Variants in SLIT3 observed in about 807,000 individuals in gnomAD.
SLIT3 encodes the protein slit homolog 3 protein.
A neutral mutation model predicts 184.0 loss-of-function variants in SLIT3; 68 were observed. The ratio of observed to expected loss-of-function variants is 0.37; its 90% CI spans 0.30 to 0.45. SLIT3 has a LOEUF of 0.45. Ranked by LOEUF, SLIT3 falls within the 20% of genes least tolerant of loss-of-function variation. SLIT3 has a pLI of 1.00. For synonymous variants in SLIT3, 831 were observed against 828.6 expected (o/e 1.00, Z -0.05); for missense variants, 1,707 against 2,026.0 (o/e 0.84, Z 3.02).
chr5:169,118,226 C>T (rs1303986942), intron 4 of SLIT3, among the ~76,000 whole-genome samples: 2 of 152,130 alleles, frequency 1.3e-5, no homozygotes, highest in East Asian at 3.9e-4. Context: ...ATTTGCAATG[C>T]CTACATATAA....
intron 4 of SLIT3, among the ~76,000 whole-genome samples, chr5:169,169,620 C>T (rs1385140969): frequency 2.0e-5 from 3 of 152,178 alleles, no homozygotes; most frequent in African/African-American, 7.2e-5. Context: ...GGAAAGTCTC[C>T]TTACCACAAA....
At chr5:168,899,635 G>A (rs2113824879) in intron 4 of SLIT3, among the ~76,000 whole-genome samples, 1 of 152,296 alleles carries the variant, frequency 6.6e-6, no homozygotes, top group South Asian at 2.1e-4. Context: ...GCATTGCCAT[G>A]TAGGTTCAGA....
chr5:169,063,894 A>G (rs540233270), intron 4 of SLIT3, among the ~76,000 whole-genome samples: 1 of 152,172 alleles, frequency 6.6e-6, no homozygotes, highest in Non-Finnish European at 1.5e-5. Flanking sequence ...TTTCCTCTCA[A>G]CATAAATTCT....
chr5:168,700,702 G>C lies in SLIT3; in HGVS notation c.2845-23C>G, dbSNP rs371554977. On this transcript the variant is annotated intron_variant, in intron 26 of 35. Coordinates refer to ENST00000519560, the MANE Select transcript of SLIT3 (RefSeq NM_003062.4). ...GCCCTGAGGAGCAAAAGAGGGAGAAGCACCTGGTTAGGGGGACTTCTGGGG... is the reference window on the plus strand; with the variant it reads ...GCCCTGAGGAGCAAAAGAGGGAGAACCACCTGGTTAGGGGGACTTCTGGGG... 14 of 1,594,324 alleles carry C rather than the reference G, an allele frequency of 8.8e-6. No individual in the cohort carries two copies. The African/African-American group carries it at 1.9e-4, about 21-fold the overall frequency.
intron 1 of SLIT3, among the ~76,000 whole-genome samples, chr5:169,274,905 G>A (rs1011623258): frequency 6.6e-6 from 1 of 152,188 alleles, no homozygotes; most frequent in African/African-American, 2.4e-5. Context: ...GTAATAAATA[G>A]GTTCAACCTC....
chr5:169,051,408 A>G (rs1757810239), intron 4 of SLIT3, among the ~76,000 whole-genome samples: 1 of 151,838 alleles, frequency 6.6e-6, no homozygotes, highest in African/African-American at 2.4e-5. Context: ...TGACTCCAAG[A>G]AGGAAATGAA....
intron 4 of SLIT3, among the ~76,000 whole-genome samples, chr5:169,158,097 AAGAC>A (rs111928053): frequency 0.01 from 1,527 of 152,316 alleles, 23 homozygotes; most frequent in African/African-American, 0.032. Flanking sequence ...AATTTGGAAA[AAGAC>A]AGAAACCTAC....
intron 4 of SLIT3, among the ~76,000 whole-genome samples, chr5:169,004,076 T>C (rs1581290107): frequency 1.3e-5 from 2 of 152,310 alleles, no homozygotes; most frequent in African/African-American, 4.8e-5. Flanking sequence ...TCTTTTCTTA[T>C]CTGTTTTTAA....
intron 4 of SLIT3, among the ~76,000 whole-genome samples, chr5:168,946,851 C>G (rs747735847): frequency 1.8e-4 from 27 of 152,330 alleles, no homozygotes; most frequent in Non-Finnish European, 3.1e-4. Flanking sequence ...CTGCTCCCCT[C>G]CCCTTCGAAC....
intron 4 of SLIT3, among the ~76,000 whole-genome samples, chr5:169,186,868 GATACC>G (rs1763359850): frequency 1.3e-4 from 1 of 7,732 alleles, no homozygotes; most frequent in Non-Finnish European, 2.6e-4. Flanking sequence ...GCTCCACCAT[GATACC>G]ATGATAACAG....
intron 4 of SLIT3, among the ~76,000 whole-genome samples, chr5:169,007,033 G>A (rs976885415): frequency 1.3e-4 from 20 of 152,058 alleles, no homozygotes; most frequent in African/African-American, 4.8e-4. Context: ...GGAGGGACCT[G>A]GTGGGAGGTG....
intron 12 of SLIT3, among the ~76,000 whole-genome samples, chr5:168,777,082 C>T (rs1755780901): frequency 1.8e-5 from 1 of 55,258 alleles, no homozygotes; most frequent in Admixed American, 2.4e-4. Context: ...CACACACACA[C>T]ACACACACAC....
chr5:169,022,848 T>G (rs182811705), intron 4 of SLIT3: 2 of 152,174 alleles, frequency 1.3e-5, no homozygotes, highest in East Asian at 3.9e-4. Context: ...GTGAGCGCTC[T>G]AAGCTCAAAC....
At chr5:169,080,281 C>A (rs576016578) in intron 4 of SLIT3, among the ~76,000 whole-genome samples, 2 of 152,162 alleles carry the variant, frequency 1.3e-5, no homozygotes, top group Non-Finnish European at 2.9e-5. Context: ...TCAAGTTTGG[C>A]TAAGGAGAGC....
chr5:169,040,685 G>A (rs58979809), intron 4 of SLIT3, among the ~76,000 whole-genome samples: 2,557 of 152,262 alleles, frequency 0.017, 63 homozygotes, highest in African/African-American at 0.057. Flanking sequence ...CTGTCTTACC[G>A]ATGTAGTAAG....
intron 4 of SLIT3, among the ~76,000 whole-genome samples, chr5:169,117,681 C>T (rs948179558): frequency 2.0e-5 from 3 of 152,232 alleles, no homozygotes; most frequent in Non-Finnish European, 4.4e-5. Flanking sequence ...CTCACCCAAG[C>T]TGTACCAGGG....
intron 4 of SLIT3, among the ~76,000 whole-genome samples, chr5:168,975,091 C>CA (rs747334816): frequency 1.3e-5 from 2 of 152,112 alleles, no homozygotes; most frequent in Non-Finnish European, 2.9e-5. Flanking sequence ...CCCTACTGAG[C>CA]AAAAATGCAG....
At chr5:169,270,938 A>T (rs1049221330) in intron 1 of SLIT3, among the ~76,000 whole-genome samples, 10 of 152,192 alleles carry the variant, frequency 6.6e-5, no homozygotes, top group African/African-American at 2.4e-4. Flanking sequence ...AGGCAAGGTT[A>T]TACATGTCAA....
intron 4 of SLIT3, among the ~76,000 whole-genome samples, chr5:169,180,878 T>G (rs2113441773): frequency 6.6e-6 from 1 of 152,340 alleles, no homozygotes; most frequent in East Asian, 1.9e-4. Flanking sequence ...CCTTGAGAAC[T>G]GGTGGTTGGC....
Sources: gnomAD v4.1 joint callset for allele counts (sites outside exome capture counted in the v4.1 genomes callset) on GRCh38, gnomAD v4.1.1 for gene constraint, MANE v1.5 for transcripts, NCBI Gene and HGNC (gene_info 2026-07-23, HGNC 2026-07-21) for gene names.